PHF20: variants seen among roughly 807,000 people sequenced by gnomAD.
PHF20 encodes the protein PHD finger protein 20, also known as glioma-expressed antigen 2.
In PHF20, 23 loss-of-function variants were observed where a neutral mutation model predicts 113.5. That is an observed-to-expected ratio of 0.20 (90% CI 0.15 to 0.29). PHF20 has a LOEUF of 0.29. Among genes scored for constraint, PHF20 ranks in the 10% least tolerant of loss-of-function variants. The pLI is 1.00. For missense variants in PHF20, 943 were observed against 1,219.6 expected (o/e 0.77, Z 3.38); for synonymous variants, 434 against 457.3 (o/e 0.95, Z 0.65).
chr20:35,943,530 A>G (rs528934271), intron 17 of PHF20, among the ~76,000 whole-genome samples: 21 of 150,636 alleles, frequency 1.4e-4, no homozygotes, highest in Admixed American at 1.2e-3. Context: ...GTAAGCTATT[A>G]TATGAAATAT....
intron 4 of PHF20, among the ~76,000 whole-genome samples, chr20:35,850,301 T>TG (rs1568650524): frequency 2.0e-5 from 2 of 97,836 alleles, no homozygotes; most frequent in African/African-American, 4.9e-5. Flanking sequence ...CCTCCGTTTT[T>TG]TTTTTTTTTT....
intron 2 of PHF20, among the ~76,000 whole-genome samples, chr20:35,807,629 A>T (rs1029926679): frequency 2.0e-5 from 3 of 152,160 alleles, no homozygotes; most frequent in Non-Finnish European, 4.4e-5. Context: ...CTGGGATAAC[A>T]GGCGTGAGCC....
chr20:35,923,450 A>G (rs1343345993), intron 13 of PHF20, among the ~76,000 whole-genome samples: 4 of 152,236 alleles, frequency 2.6e-5, no homozygotes, highest in Non-Finnish European at 5.9e-5. Flanking sequence ...GAAATTAAAT[A>G]AAAATTAAGT....
At chr20:35,808,342 T>C (rs1276177156) in intron 2 of PHF20, among the ~76,000 whole-genome samples, 2 of 152,118 alleles carry the variant, frequency 1.3e-5, no homozygotes, top group African/African-American at 4.8e-5. Context: ...CAGCCTTCCA[T>C]AGTTTGTTGT....
At chr20:35,797,289 C>G (rs113308361) in intron 1 of PHF20, among the ~76,000 whole-genome samples, 39,091 of 151,504 alleles carry the variant, frequency 0.26, 5,854 homozygotes, top group African/African-American at 0.42. Flanking sequence ...AAGGTGGGTG[C>G]ATCATTTGAG....
At chr20:35,928,298 G>A (rs1413698574) in intron 14 of PHF20, among the ~76,000 whole-genome samples, 1 of 151,958 alleles carries the variant, frequency 6.6e-6, no homozygotes, top group East Asian at 1.9e-4. Flanking sequence ...AATTAGCTGG[G>A]CATGGTGACA....
At chr20:35,870,331 A>T (rs945165711) in intron 7 of PHF20, among the ~76,000 whole-genome samples, 13 of 140,762 alleles carry the variant, frequency 9.2e-5, no homozygotes, top group Middle Eastern at 3.8e-3. Context: ...AAAAAAAAAA[A>T]TTAGCCGGGT....
rs1214136729 is a variant in PHF20, at chr20:35,851,053, C to T, written c.340+3619C>T. On this transcript the variant is annotated intron_variant, in intron 4 of 17. Coordinates refer to ENST00000374012, the MANE Select transcript of PHF20 (RefSeq NM_016436.5). The stretch of plus-strand genomic sequence containing the variant: ...AAATGATCCACCCGCCTCAGCCTCC[C>T]GAATCTCCCCTTTTTTTCACACAAG... 1.8e-5 allele frequency: 6 copies of T among 341,338 alleles called. No individual in the cohort carries two copies. In the East Asian group the frequency reaches 2.0e-4, roughly 11 times the overall value. 21.1% of individuals were successfully genotyped at this position (341,338 alleles called of 1,614,324 possible).
intron 15 of PHF20, among the ~76,000 whole-genome samples, chr20:35,936,559 T>A (rs2055869015): frequency 6.6e-6 from 1 of 152,228 alleles, no homozygotes; most frequent in East Asian, 1.9e-4. Flanking sequence ...CTAAAAAGGA[T>A]AAGAATCCCT....
At chr20:35,839,411 A>G (rs1242721106) in intron 2 of PHF20, among the ~76,000 whole-genome samples, 1 of 150,200 alleles carries the variant, frequency 6.7e-6, no homozygotes, top group Admixed American at 6.6e-5. Flanking sequence ...AAAAAAAAAA[A>G]GAAAGTGGTT....
intron 9 of PHF20, among the ~76,000 whole-genome samples, chr20:35,886,068 T>TTA (rs1366164406): frequency 1.3e-5 from 2 of 152,114 alleles, no homozygotes; most frequent in African/African-American, 4.8e-5. Context: ...GTTCTATGGG[T>TTA]TATAATCTGT....
intron 2 of PHF20, among the ~76,000 whole-genome samples, chr20:35,825,273 C>T (rs1209774122): frequency 2.0e-5 from 3 of 152,188 alleles, no homozygotes; most frequent in Non-Finnish European, 4.4e-5. Flanking sequence ...TGTCCTGCCT[C>T]AGGCCTCCTG....
At chr20:35,796,152 T>C (rs1032559163) in intron 1 of PHF20, among the ~76,000 whole-genome samples, 3 of 152,056 alleles carry the variant, frequency 2.0e-5, no homozygotes, top group African/African-American at 7.3e-5. Context: ...ACCCAGACTA[T>C]ACATTTTTTT....
intron 4 of PHF20, chr20:35,850,887 C>T: frequency 1.1e-6 from 1 of 915,814 alleles, no homozygotes; most frequent in Admixed American, 1.9e-5. Context: ...TTGGAGATGA[C>T]TGAGTTTGTT....
intron 13 of PHF20, among the ~76,000 whole-genome samples, chr20:35,921,368 T>C (rs1467453815): frequency 2.0e-5 from 3 of 151,992 alleles, no homozygotes; most frequent in Non-Finnish European, 4.4e-5. Context: ...ACACACATTT[T>C]GCAGACTCTC....
chr20:35,853,318 T>G (rs1041721298), intron 4 of PHF20: 1 of 151,982 alleles, frequency 6.6e-6, no homozygotes, highest in African/African-American at 2.4e-5. Flanking sequence ...GATCTGTAAC[T>G]AACTGTGAAC....
At chr20:35,829,920 C>CTT (rs931253075) in intron 2 of PHF20, among the ~76,000 whole-genome samples, 1 of 144,408 alleles carries the variant, frequency 6.9e-6, no homozygotes, top group African/African-American at 2.6e-5. Context: ...TTTTCTTTTT[C>CTT]TTTTTTTTTT....
rs1227705427 is a variant in PHF20 at position 35,858,388 on chromosome 20, A to T, written c.420+7A>T. 6.6e-7 allele frequency: 1 copy of T among 1,526,154 alleles called. No homozygotes were observed. Among genetic ancestry groups the T allele is most frequent in the African/African-American group, 1.4e-5 (1 of 73,212 alleles). 94.5% of individuals were successfully genotyped at this position (1,526,154 alleles called of 1,614,324 possible). Reference sequence around the variant, plus strand: ...AGCTTTTTCCAAAGATCAGGTGAGAAATGTGGTTTTGTGCTTTGTGTTATG... The same window carrying T: ...AGCTTTTTCCAAAGATCAGGTGAGATATGTGGTTTTGTGCTTTGTGTTATG... On this transcript the variant is annotated splice_region_variant and intron_variant, in intron 5 of 17. Coordinates refer to ENST00000374012, the MANE Select transcript of PHF20 (RefSeq NM_016436.5).
At chr20:35,819,421 A>G (rs975561934) in intron 2 of PHF20, among the ~76,000 whole-genome samples, 11 of 152,026 alleles carry the variant, frequency 7.2e-5, no homozygotes, top group African/African-American at 2.7e-4. Flanking sequence ...TCTTGCTCCA[A>G]ACACAACGAA....
Sources: allele counts gnomAD v4.1 joint callset (sites outside exome capture counted in the v4.1 genomes callset), GRCh38; gene constraint gnomAD v4.1.1; transcripts MANE v1.5; gene names NCBI Gene and HGNC (gene_info 2026-07-23, HGNC 2026-07-21).